Variants in ARHGAP8 observed in about 807,000 individuals in gnomAD.
ARHGAP8 encodes the protein rho GTPase-activating protein 8.
Under a neutral mutation model 46.1 loss-of-function variants are expected in ARHGAP8, and 62 were observed. The observed-to-expected ratio is 1.34, with a 90% CI of 1.10 to 1.66. ARHGAP8 has a LOEUF of 1.66. Among genes scored for constraint, ARHGAP8 ranks in the 40% most tolerant of loss-of-function variants. The probability of loss-of-function intolerance (pLI) is 0.00; values close to 1 mark genes in which losing one functional copy is unlikely to be tolerated. For synonymous variants in ARHGAP8, 375 were observed against 243.1 expected, an observed-to-expected ratio of 1.54 and a Z score of -5.05; for missense variants, 923 against 568.4, an observed-to-expected ratio of 1.62 and a Z score of -6.34.
chr22:44,813,920 A>G (rs1400066699), intron 4 of ARHGAP8, among the ~76,000 whole-genome samples: 1 of 152,172 alleles, frequency 6.6e-6, no homozygotes, highest in Non-Finnish European at 1.5e-5. Flanking sequence ...GTGTGAGTGG[A>G]TAAGAGGTGG....
intron 11 of ARHGAP8, among the ~76,000 whole-genome samples, chr22:44,861,026 GAC>G (rs1378349541): frequency 4.6e-5 from 7 of 152,252 alleles, no homozygotes; most frequent in Middle Eastern, 3.4e-3. Context: ...AATTTTTTGA[GAC>G]AGTCTTGCTC....
At chr22:44,784,846 A>C (rs1927098332) in intron 1 of ARHGAP8, among the ~76,000 whole-genome samples, 1 of 152,146 alleles carries the variant, frequency 6.6e-6, no homozygotes, top group Admixed American at 6.5e-5. Context: ...CTTGGCACAT[A>C]GTAGGTACTC....
chr22:44,832,506 A>G (rs10433321), intron 7 of ARHGAP8, among the ~76,000 whole-genome samples: 11,327 of 152,208 alleles, frequency 0.074, 829 homozygotes, highest in East Asian at 0.42. Flanking sequence ...GATTATAGGC[A>G]TGAGCCACCA....
At chr22:44,753,320 C>T (rs907903252) in intron 1 of ARHGAP8, among the ~76,000 whole-genome samples, 1 of 151,690 alleles carries the variant, frequency 6.6e-6, no homozygotes, top group Non-Finnish European at 1.5e-5. Context: ...CTCCTGGGTT[C>T]AAGCGATTCT....
At chr22:44,841,111 C>G (rs887851916) in intron 7 of ARHGAP8, among the ~76,000 whole-genome samples, 1 of 152,162 alleles carries the variant, frequency 6.6e-6, no homozygotes, top group South Asian at 2.1e-4. Context: ...GCCTGCCTGG[C>G]AGGGTGGAAT....
At chr22:44,826,069 C>CCTT (rs1930501873) in intron 7 of ARHGAP8, among the ~76,000 whole-genome samples, 1 of 152,078 alleles carries the variant, frequency 6.6e-6, no homozygotes. Context: ...CTTCCCACCA[C>CCTT]CTTCAAGGAG....
intron 5 of ARHGAP8, among the ~76,000 whole-genome samples, chr22:44,815,148 C>T (rs1456032105): frequency 1.3e-5 from 2 of 152,190 alleles, no homozygotes; most frequent in Non-Finnish European, 2.9e-5. Context: ...GTAAAAGGCA[C>T]ACAAGGCTGA....
chr22:44,848,938 C>T lies in ARHGAP8; in HGVS notation c.755C>T (p.Pro252Leu), dbSNP rs759342725. The T allele has an allele frequency of 1.9e-6, 3 of 1,614,112 alleles. No homozygotes were observed. Among genetic ancestry groups the T allele is most frequent in the Non-Finnish European group, 2.5e-6 (3 of 1,180,016 alleles). ...EIQRLYNQGK[P>L]VNFDDYGDIH... ...TGCTGTGTTGTGTGTGCAGGGAAGC[C>T]CGTGAACTTTGACGACTACGGGGAC... Residue 252 changes from proline (P) to leucine (L), a missense_variant, in exon 10 of 12, where the codon CCC becomes CTC. Pro to Leu is a moderately conservative substitution (Grantham distance 98). Transcript: ENST00000356099.
At chr22:44,855,022 G>C (rs2070187580) in intron 10 of ARHGAP8, among the ~76,000 whole-genome samples, 1 of 150,030 alleles carries the variant, frequency 6.7e-6, no homozygotes, top group Admixed American at 6.6e-5. Flanking sequence ...AACTTGAAAA[G>C]AATGTTTGGC....
chr22:44,833,099 T>TTCTTTTCTTTTC (rs1343790136), intron 7 of ARHGAP8, among the ~76,000 whole-genome samples: 10 of 135,118 alleles, frequency 7.4e-5, no homozygotes, highest in African/African-American at 2.0e-4. Context: ...TTCTTTTCTT[T>TTCTTTTCTTTTC]TTTTTTTTTT....
intron 2 of ARHGAP8, among the ~76,000 whole-genome samples, chr22:44,789,576 C>T (rs1168812585): frequency 1.3e-5 from 2 of 152,196 alleles, no homozygotes; most frequent in Non-Finnish European, 1.5e-5. Flanking sequence ...CGGCTCACTA[C>T]AGCCTCTACC....
At chr22:44,778,208 A>T (rs1926566489) in intron 1 of ARHGAP8, among the ~76,000 whole-genome samples, 1 of 151,862 alleles carries the variant, frequency 6.6e-6, no homozygotes, top group Admixed American at 6.6e-5. Context: ...AAGTCCCCAA[A>T]GTCCATTGTG....
rs143372796 is a variant in ARHGAP8, at chr22:44,847,973, G to A, written c.671G>A (p.Gly224Asp). 1.9e-6 allele frequency: 3 copies of A among 1,607,194 alleles called. No homozygotes were observed. The highest frequency in any genetic ancestry group is 1.1e-5 in the South Asian group (1 of 91,080). The change falls in exon 9 of 12, where the codon GGC becomes GAC. Residue 224 changes from glycine (G) to aspartate (D), a missense_variant and splice_region_variant. By Grantham distance (94) the Gly-to-Asp change is moderately conservative. Transcript: ENST00000356099. The part of the protein sequence containing the change: ...RFTVTYLREK[G>D]LRTEGLFRRS... ...ATGCCTGGAAGCTCCTCTCCTGCAG[G>A]CCTGCGCACCGAGGGCCTGTTCCGG...
At chr22:44,848,302 C>T (rs911201347) in intron 9 of ARHGAP8, among the ~76,000 whole-genome samples, 5 of 152,224 alleles carry the variant, frequency 3.3e-5, no homozygotes, top group African/African-American at 1.2e-4. Context: ...TTTAGGGTCT[C>T]TCCATCCACA....
chr22:44,800,565 C>A (rs1196993968), intron 2 of ARHGAP8, among the ~76,000 whole-genome samples: 4 of 140,476 alleles, frequency 2.8e-5, no homozygotes, highest in African/African-American at 1.1e-4. Context: ...TGGGGGGCGC[C>A]CCTCCCCGCA....
intron 11 of ARHGAP8, among the ~76,000 whole-genome samples, chr22:44,860,310 C>T (rs1014982793): frequency 3.9e-5 from 6 of 152,150 alleles, no homozygotes; most frequent in African/African-American, 1.2e-4. Context: ...TAGAGGCTAG[C>T]AGTCCAAAAG....
rs2147159137 is a variant in ARHGAP8 at position 44,845,338 on chromosome 22, GAA to G, written c.668_669del (p.Lys223ArgfsTer33). ...GGTTCACAGTGACGTACCTGAGAGA[GAA>G]AGGTGAGACGGGGCCGGCTCCAGCT... ...LRFTVTYLRE[K>X]GLRTEGLFRR... On this transcript the variant is annotated frameshift_variant and splice_region_variant, in exon 8 of 12. Transcript: ENST00000356099. LOFTEE classifies it high-confidence loss of function. 1.9e-6 allele frequency: 3 copies of G among 1,614,090 alleles called. No individual in the cohort carries two copies. In the East Asian group the frequency reaches 6.7e-5, roughly 36 times the overall value.
chr22:44,786,404 T>C, intron 1 of ARHGAP8, 53 bp from the exon 2 acceptor site: 1 of 1,538,834 alleles, frequency 6.5e-7, no homozygotes, highest in Admixed American at 2.0e-5. Flanking sequence ...GGCTCCCTCA[T>C]TCCCCGCCTT....
At chr22:44,848,800 C>A in intron 9 of ARHGAP8, 132 bp from the exon 10 acceptor site, 1 of 1,511,212 alleles carries the variant, frequency 6.6e-7, no homozygotes, top group South Asian at 1.3e-5. Context: ...CAGCATCATC[C>A]CTAGGACACA....
Sources: gnomAD v4.1 joint callset for allele counts (sites outside exome capture counted in the v4.1 genomes callset) on GRCh38, gnomAD v4.1.1 for gene constraint, MANE v1.5 for transcripts, NCBI Gene and HGNC (gene_info 2026-07-23, HGNC 2026-07-21) for gene names.